RNF130: variants seen among roughly 807,000 people sequenced by gnomAD.
RNF130 encodes the protein ring finger protein 130.
Under a neutral mutation model 44.6 loss-of-function variants are expected in RNF130, and 21 were observed. That is an observed-to-expected ratio of 0.47 (90% CI 0.33 to 0.68). RNF130 has a LOEUF of 0.68. Among genes scored for constraint, RNF130 ranks in the 30% least tolerant of loss-of-function variants. The pLI, the probability that RNF130 is intolerant of heterozygous loss-of-function variation, is 0.02. For synonymous variants in RNF130, 214 were observed against 210.4 expected (o/e 1.02, Z -0.15); for missense variants, 479 against 560.6 (o/e 0.85, Z 1.47).
chr5:179,946,614 T>G (rs1230826758), intron 7 of RNF130, among the ~76,000 whole-genome samples: 4 of 150,606 alleles, frequency 2.7e-5, no homozygotes, highest in East Asian at 2.0e-4. Context: ...AGTGCAGTGG[T>G]GTGATCTTGG....
intron 1 of RNF130, among the ~76,000 whole-genome samples, chr5:180,059,596 G>C (rs150104980): frequency 6.6e-6 from 1 of 152,038 alleles, no homozygotes; most frequent in South Asian, 2.1e-4. Context: ...AAATGAGAAG[G>C]TGCATCACTG....
chr5:179,998,857 T>A (rs79193977), intron 3 of RNF130, among the ~76,000 whole-genome samples: 1,333 of 63,272 alleles, frequency 0.021, 35 homozygotes, highest in Non-Finnish European at 0.025. Flanking sequence ...ATCTAGTATT[T>A]TTTATATATA....
At chr5:180,052,268 T>A (rs1764701931) in intron 1 of RNF130, among the ~76,000 whole-genome samples, 1 of 152,244 alleles carries the variant, frequency 6.6e-6, no homozygotes, top group African/African-American at 2.4e-5. Flanking sequence ...CTGCTTGACA[T>A]TTCTCCATGA....
chr5:180,027,703 C>T (rs948487973), intron 2 of RNF130, among the ~76,000 whole-genome samples: 2 of 152,212 alleles, frequency 1.3e-5, no homozygotes, highest in Non-Finnish European at 2.9e-5. Flanking sequence ...CCTCTCCACA[C>T]GTCACCTGTG....
chr5:179,976,038 G>C (rs901912146), intron 5 of RNF130, among the ~76,000 whole-genome samples: 2 of 152,132 alleles, frequency 1.3e-5, no homozygotes, highest in Non-Finnish European at 2.9e-5. Context: ...ATTTTAAAAA[G>C]AGGGCCAGAC....
intron 2 of RNF130, among the ~76,000 whole-genome samples, chr5:180,032,393 A>AAAC (rs1764150469): frequency 1.3e-5 from 2 of 152,054 alleles, no homozygotes; most frequent in Non-Finnish European, 2.9e-5. Context: ...TTCTTCCTTG[A>AAAC]AACAATCTTG....
intron 7 of RNF130, among the ~76,000 whole-genome samples, chr5:179,947,864 T>C (rs1762067486): frequency 6.6e-6 from 1 of 152,178 alleles, no homozygotes; most frequent in South Asian, 2.1e-4. Flanking sequence ...ATACATACAG[T>C]ATATCTATAT....
At chr5:180,041,123 C>T (rs1254603753) in intron 1 of RNF130, among the ~76,000 whole-genome samples, 1 of 152,190 alleles carries the variant, frequency 6.6e-6, no homozygotes, top group African/African-American at 2.4e-5. Context: ...CCAAAATAAT[C>T]CTCGGTTCAG....
At chr5:179,973,646 A>G (rs1291669714) in intron 5 of RNF130, among the ~76,000 whole-genome samples, 1 of 152,086 alleles carries the variant, frequency 6.6e-6, no homozygotes, top group Non-Finnish European at 1.5e-5. Flanking sequence ...GCTCACCCTC[A>G]CTATGGCTCT....
At chr5:179,998,859 T>TTTTATATATATATATATATATATA (rs377231994) in intron 3 of RNF130, among the ~76,000 whole-genome samples, 1 of 88,750 alleles carries the variant, frequency 1.1e-5, no homozygotes, top group Non-Finnish European at 2.3e-5. Flanking sequence ...CTAGTATTTT[T>TTTTATATATATATATATATATATA]TATATATATA....
chr5:180,034,730 C>A (rs1392765816), intron 2 of RNF130, among the ~76,000 whole-genome samples: 1 of 152,166 alleles, frequency 6.6e-6, no homozygotes, highest in African/African-American at 2.4e-5. Context: ...AGGATTCCCA[C>A]CATTACCTAA....
chr5:180,030,898 C>T (rs10479453), intron 2 of RNF130, among the ~76,000 whole-genome samples: 79,092 of 152,018 alleles, frequency 0.52, 22,046 homozygotes, highest in East Asian at 0.73. Context: ...CCAGTGTGAA[C>T]TGTCCAGATC....
At chr5:179,940,755 G>C (rs1761960244) in intron 7 of RNF130, among the ~76,000 whole-genome samples, 1 of 151,288 alleles carries the variant, frequency 6.6e-6, no homozygotes, top group Non-Finnish European at 1.5e-5. Flanking sequence ...CTTTTGTCAG[G>C]TTTGAAAAAT....
chr5:179,975,930 C>T (rs1762707708), intron 5 of RNF130, among the ~76,000 whole-genome samples: 1 of 152,170 alleles, frequency 6.6e-6, no homozygotes, highest in Non-Finnish European at 1.5e-5. Context: ...CGGGCGGGAA[C>T]TTATAATTAA....
chr5:179,949,267 ATTT>A (rs770299135), intron 7 of RNF130, among the ~76,000 whole-genome samples: 1 of 143,488 alleles, frequency 7.0e-6, no homozygotes, highest in Non-Finnish European at 1.5e-5. Context: ...TGCCCAGACA[ATTT>A]TTTTTTTTTT....
rs1358518138 is a variant in RNF130 at position 179,920,969 on chromosome 5, G to A, written c.1151-543C>T. Among the ~76,000 whole-genome samples, 11 of 151,362 alleles carry A rather than the reference G, an allele frequency of 7.3e-5. 1 individual carries two copies. The highest frequency in any genetic ancestry group is 3.3e-4 in the Admixed American group (5 of 15,190). ...AGATGAGGATTTTCTCCTAACCCCC[G>A]CACCCAAATTGCACATACTTTCCAT... On this transcript the variant is annotated intron_variant, in intron 7 of 7. Transcript: ENST00000522208.
At chr5:179,947,797 A>G (rs533771307) in intron 7 of RNF130, among the ~76,000 whole-genome samples, 1 of 152,354 alleles carries the variant, frequency 6.6e-6, no homozygotes, top group African/African-American at 2.4e-5. Context: ...ACATTGATAT[A>G]GCATATATAT....
intron 8 of RNF130, chr5:179,956,111 C>T (rs1490533742): frequency 6.4e-6 from 1 of 155,086 alleles, no homozygotes; most frequent in Non-Finnish European, 1.4e-5. Flanking sequence ...CACAGGAATC[C>T]TCCAGACCTT....
At chr5:179,957,964 G>A (rs942169377) in intron 8 of RNF130, among the ~76,000 whole-genome samples, 1 of 150,314 alleles carries the variant, frequency 6.7e-6, no homozygotes, top group South Asian at 2.1e-4. Flanking sequence ...TGCAAGCTCC[G>A]CCTCCCGGGT....
Sources: allele counts gnomAD v4.1 joint callset (sites outside exome capture counted in the v4.1 genomes callset), GRCh38; gene constraint gnomAD v4.1.1; transcripts MANE v1.5; gene names NCBI Gene and HGNC (gene_info 2026-07-23, HGNC 2026-07-21).